The following CDH12 variants were observed in gnomAD, a reference collection of about 807,000 sequenced individuals.
The protein encoded by CDH12 is cadherin 12.
Under a neutral mutation model 74.1 loss-of-function variants are expected in CDH12, and 41 were observed. The ratio of observed to expected loss-of-function variants is 0.55; its 90% CI spans 0.43 to 0.72. The LOEUF is 0.72. CDH12 is among the 30% of genes least tolerant of loss of function. The pLI, the probability that CDH12 is intolerant of heterozygous loss-of-function variation, is 0.00. For synonymous variants in CDH12, 399 were observed against 355.0 expected (o/e 1.12, Z -1.39); for missense variants, 945 against 977.2 (o/e 0.97, Z 0.44).
chr5:22,595,799 G>A (rs1056173419), intron 1 of CDH12, among the ~76,000 whole-genome samples: 9 of 152,096 alleles, frequency 5.9e-5, no homozygotes, highest in Non-Finnish European at 1.2e-4. Context: ...CATTTGGGCC[G>A]GGCACCGTGG....
chr5:22,190,363 T>C (rs1389725269), intron 4 of CDH12, among the ~76,000 whole-genome samples: 2 of 66,330 alleles, frequency 3.0e-5, no homozygotes, highest in African/African-American at 7.2e-5. Context: ...TGTCTGTCTA[T>C]CTATCTATCT....
chr5:22,760,620 A>G (rs1377862581), intron 1 of CDH12, among the ~76,000 whole-genome samples: 2 of 138,452 alleles, frequency 1.4e-5, no homozygotes, highest in African/African-American at 2.7e-5. Context: ...CAAATGTTGC[A>G]GTGAGCTGAG....
chr5:22,147,630 C>T (rs71609248), intron 4 of CDH12, among the ~76,000 whole-genome samples: 1 of 150,160 alleles, frequency 6.7e-6, no homozygotes, highest in Admixed American at 6.6e-5. Context: ...CATAGTTCCA[C>T]GTGGTTGGGG....
rs79636553 is a variant in CDH12 at position 22,241,360 on chromosome 5, G to A, written c.-332-28717C>T. 1.2e-3 allele frequency among the ~76,000 whole-genome samples: 187 copies of A among 151,872 alleles called. 3 individuals carry two copies. In the East Asian group the frequency reaches 0.028, roughly 22 times the overall value. ...AGATATATGACTACGTTAAACTTCC[G>A]TCAATATTGTCTACATACAGAATTA... is the stretch of plus-strand genomic sequence containing the variant. On this transcript the variant is annotated intron_variant, in intron 3 of 14. Transcript: ENST00000382254.
At chr5:21,928,630 C>T (rs952977753) in intron 6 of CDH12, among the ~76,000 whole-genome samples, 5 of 151,830 alleles carry the variant, frequency 3.3e-5, no homozygotes, top group African/African-American at 4.8e-5. Flanking sequence ...TAAGTATGCT[C>T]GTGTCTTCTA....
At chr5:22,244,243 A>T (rs1487379613) in intron 3 of CDH12, among the ~76,000 whole-genome samples, 3 of 152,036 alleles carry the variant, frequency 2.0e-5, no homozygotes. Flanking sequence ...TAATCCCAAC[A>T]CTTTGGGAGG....
chr5:22,452,190 T>C (rs1168064895), intron 2 of CDH12, among the ~76,000 whole-genome samples: 1 of 151,882 alleles, frequency 6.6e-6, no homozygotes, highest in East Asian at 1.9e-4. Flanking sequence ...ATTAAAATGT[T>C]AATAAAATTC....
chr5:21,992,983 A>AT (rs1736037458), intron 5 of CDH12, among the ~76,000 whole-genome samples: 1 of 152,124 alleles, frequency 6.6e-6, no homozygotes, highest in Admixed American at 6.5e-5. Context: ...AGAGAGAGAG[A>AT]TAGCCAGGGG....
In CDH12 at chr5:22,683,083, T is replaced by C. The variant is rs77265526; in HGVS notation, c.-523+169975A>G. On this transcript the variant is annotated intron_variant, in intron 1 of 14. Coordinates refer to ENST00000382254, the MANE Select transcript of CDH12 (RefSeq NM_004061.5). ...TATTCTTGCTGATAACATGATCTAT[T>C]GTTCTCTGAGCCCTGCTGAGATTGC... Among the ~76,000 whole-genome samples the C allele has an allele frequency of 2.2e-3, 333 of 152,312 alleles. 1 individual carries two copies. The highest frequency in any genetic ancestry group is 7.7e-3 in the African/African-American group (321 of 41,592).
At chr5:21,901,609 C>A (rs1291417733) in intron 6 of CDH12, among the ~76,000 whole-genome samples, 1 of 152,080 alleles carries the variant, frequency 6.6e-6, no homozygotes, top group Non-Finnish European at 1.5e-5. Flanking sequence ...CTGATTCGCC[C>A]ATCACATTTT....
intron 3 of CDH12, among the ~76,000 whole-genome samples, chr5:22,315,589 CA>C (rs1279648751): frequency 5.9e-5 from 9 of 151,960 alleles, no homozygotes; most frequent in African/African-American, 2.2e-4. Flanking sequence ...TGAGATTCAT[CA>C]GAAAGGTGAA....
At chr5:22,509,130 T>C (rs1399260427) in intron 1 of CDH12, among the ~76,000 whole-genome samples, 1 of 152,114 alleles carries the variant, frequency 6.6e-6, no homozygotes, top group Admixed American at 6.5e-5. Context: ...TGAAAGGGTG[T>C]TTTAAAATAT....
chr5:22,642,305 C>G (rs1254950652), intron 1 of CDH12, among the ~76,000 whole-genome samples: 1 of 152,126 alleles, frequency 6.6e-6, no homozygotes, highest in Non-Finnish European at 1.5e-5. Flanking sequence ...ACTAGAATAA[C>G]ACAATTTGCT....
Position 21,752,230 on chromosome 5 carries a change from A to T in CDH12, c.1892T>A (p.Val631Asp), listed in dbSNP as rs754843683. ...CCTTCGCAGTGCTACATACAGTACA[A>T]CTATGGCTGGAACAAGACAAAAATT... is the stretch of plus-strand genomic sequence containing the variant. ...LLCIVILLAI[V>D]VLYVALRRQK... Residue 631 changes from valine (V) to aspartate (D), a missense_variant, in exon 15 of 15, where the codon GTT (valine) becomes GAT (aspartate). Physicochemically the swap from Val to Asp is radical, Grantham distance 152. Transcript: ENST00000382254. 11 of 1,588,544 alleles carry T rather than the reference A, an allele frequency of 6.9e-6. No individual in the cohort carries two copies. Among genetic ancestry groups the T allele is most frequent in the Non-Finnish European group, 9.4e-6 (11 of 1,167,486 alleles).
intron 9 of CDH12, among the ~76,000 whole-genome samples, chr5:21,810,254 C>T (rs1747676468): frequency 6.6e-6 from 1 of 151,964 alleles, no homozygotes; most frequent in South Asian, 2.1e-4. Flanking sequence ...CTTTCATTCC[C>T]CCATGAATAA....
At position 22,319,502 on chromosome 5, in the gene CDH12, A is replaced by T. The variant is rs532498146; in HGVS notation, c.-333+85755T>A. On this transcript the variant is annotated intron_variant, in intron 3 of 14. Transcript: ENST00000382254. ...GGCAAACTTCTTTGCTTCTAAGAAT[A>T]TAGTTTCTCTCTCACAGGGCCCCAT... Among the ~76,000 whole-genome samples, 3 of 152,292 alleles carry T rather than the reference A, an allele frequency of 2.0e-5. No homozygotes were observed. The South Asian group carries it at 6.2e-4, about 32-fold the overall frequency.
intron 1 of CDH12, among the ~76,000 whole-genome samples, chr5:22,617,688 G>T (rs1464467230): frequency 1.3e-5 from 2 of 152,058 alleles, no homozygotes; most frequent in Non-Finnish European, 2.9e-5. Flanking sequence ...GTTCTACATG[G>T]TACCTGATTC....
intron 6 of CDH12, among the ~76,000 whole-genome samples, chr5:21,916,057 A>G (rs1754079627): frequency 6.6e-6 from 1 of 152,020 alleles, no homozygotes; most frequent in African/African-American, 2.4e-5. Context: ...ATATTTTCTT[A>G]TTTCTCCACC....
intron 3 of CDH12, among the ~76,000 whole-genome samples, chr5:22,395,195 G>C (rs1194885961): frequency 6.6e-6 from 1 of 152,148 alleles, no homozygotes; most frequent in African/African-American, 2.4e-5. Flanking sequence ...AGGAATCTTT[G>C]AGTCAGACAA....
Sources: allele counts gnomAD v4.1 joint callset (sites outside exome capture counted in the v4.1 genomes callset), GRCh38; gene constraint gnomAD v4.1.1; transcripts MANE v1.5; gene names NCBI Gene and HGNC (gene_info 2026-07-23, HGNC 2026-07-21).